Variants in NBEA observed in about 807,000 individuals in gnomAD.
The protein encoded by NBEA is neurobeachin.
Under a neutral mutation model 343.4 loss-of-function variants are expected in NBEA, and 44 were observed. The observed-to-expected ratio is 0.13, with a 90% CI of 0.10 to 0.16. The LOEUF is 0.16. Ranked by LOEUF, NBEA falls within the 10% of genes least tolerant of loss-of-function variation. NBEA has a pLI of 1.00. For synonymous variants in NBEA, 1,175 were observed against 1,238.7 expected, an observed-to-expected ratio of 0.95 and a Z score of 1.08; for missense variants, 2,555 against 3,631.3, an observed-to-expected ratio of 0.70 and a Z score of 7.62.
chr13:35,239,966 C>T (rs1418503107), intron 34 of NBEA, among the ~76,000 whole-genome samples: 1 of 151,644 alleles, frequency 6.6e-6, no homozygotes, highest in African/African-American at 2.4e-5. Context: ...TAAAGAAATT[C>T]CTGTTGTCCC....
intron 41 of NBEA, among the ~76,000 whole-genome samples, chr13:35,519,080 C>T (rs9600891): frequency 0.75 from 114,395 of 152,124 alleles, 44,156 homozygotes; most frequent in South Asian, 0.84. Context: ...CAAGCAATCT[C>T]TCAGACTGCC....
chr13:35,413,364 G>T (rs866526741), intron 38 of NBEA, among the ~76,000 whole-genome samples: 1 of 152,052 alleles, frequency 6.6e-6, no homozygotes, highest in Non-Finnish European at 1.5e-5. Flanking sequence ...TTTTTTGTGT[G>T]TATTTAGTAA....
rs528667550 is a variant in NBEA, at chr13:35,071,610, T to C, written c.1571+758T>C. On this transcript the variant is annotated intron_variant, in intron 10 of 58. Coordinates refer to ENST00000379939, the MANE Select transcript of NBEA (RefSeq NM_001385012.1). ...ATGGGCAAGTTATATAGATAAGCATTAATTTTTATTCCAAAAGTAACATAG... is the reference window on the plus strand; with the variant it reads ...ATGGGCAAGTTATATAGATAAGCATCAATTTTTATTCCAAAAGTAACATAG... 2.0e-4 allele frequency among the ~76,000 whole-genome samples: 30 copies of C among 152,122 alleles called. 1 individual carries two copies. In the South Asian group the frequency reaches 5.6e-3, roughly 28 times the overall value.
intron 6 of NBEA, among the ~76,000 whole-genome samples, chr13:35,054,312 G>C (rs1362159782): frequency 1.3e-5 from 2 of 151,952 alleles, no homozygotes; most frequent in Non-Finnish European, 2.9e-5. Context: ...AATTCTATAA[G>C]ATTTTCCTTA....
At chr13:35,103,810 T>C (rs2065775593) in intron 11 of NBEA, among the ~76,000 whole-genome samples, 1 of 151,876 alleles carries the variant, frequency 6.6e-6, no homozygotes, top group African/African-American at 2.4e-5. Context: ...GAAATTATGT[T>C]GTCTTACTGT....
At chr13:35,475,736 G>A in intron 41 of NBEA, 2 of 1,613,920 alleles carry the variant, frequency 1.2e-6, no homozygotes, top group Non-Finnish European at 1.7e-6. Flanking sequence ...TGAGCCACCA[G>A]CGTCTGAAAC....
intron 56 of NBEA, among the ~76,000 whole-genome samples, chr13:35,665,616 G>T (rs1425637008): frequency 1.3e-5 from 2 of 151,952 alleles, no homozygotes; most frequent in African/African-American, 4.8e-5. Context: ...AAGATTACTT[G>T]GTTCTTTGGA....
intron 24 of NBEA, among the ~76,000 whole-genome samples, chr13:35,167,853 C>G (rs552208570): frequency 4.0e-5 from 6 of 151,876 alleles, no homozygotes; most frequent in Non-Finnish European, 5.9e-5. Context: ...ACAAATTGCA[C>G]ACTTTGTGAT....
chr13:35,444,754 CA>C (rs1339095768), intron 39 of NBEA, among the ~76,000 whole-genome samples: 11 of 151,948 alleles, frequency 7.2e-5, no homozygotes, highest in Non-Finnish European at 1.5e-4. Flanking sequence ...TCTTTTCCTT[CA>C]AATATCCAAG....
chr13:35,389,370 C>T (rs1234545397), intron 38 of NBEA, among the ~76,000 whole-genome samples: 3 of 152,018 alleles, frequency 2.0e-5, no homozygotes, highest in East Asian at 3.9e-4. Context: ...CTAAAATAAC[C>T]GTTGCTTTTT....
intron 38 of NBEA, among the ~76,000 whole-genome samples, chr13:35,383,994 A>G (rs927483837): frequency 1.3e-5 from 2 of 152,100 alleles, no homozygotes; most frequent in South Asian, 2.1e-4. Flanking sequence ...AAGAGAGTCA[A>G]TCTGGAAAGA....
At chr13:35,387,069 C>G (rs1748606101) in intron 38 of NBEA, among the ~76,000 whole-genome samples, 1 of 152,104 alleles carries the variant, frequency 6.6e-6, no homozygotes, top group African/African-American at 2.4e-5. Context: ...TAAGACTAAG[C>G]TCTATCTTAT....
chr13:35,108,776 G>A (rs547542654), intron 11 of NBEA, among the ~76,000 whole-genome samples: 1 of 152,152 alleles, frequency 6.6e-6, no homozygotes, highest in Admixed American at 6.6e-5. Flanking sequence ...AATTCTTGAA[G>A]CGAGTGTTCA....
At chr13:35,452,479 A>G (rs1024414579) in intron 40 of NBEA, among the ~76,000 whole-genome samples, 30 of 152,224 alleles carry the variant, frequency 2.0e-4, no homozygotes, top group African/African-American at 7.0e-4. Flanking sequence ...TTTTTTATAT[A>G]GAAGGAATAA....
intron 41 of NBEA, among the ~76,000 whole-genome samples, chr13:35,541,345 C>T (rs1261159865): frequency 6.6e-6 from 1 of 151,950 alleles, no homozygotes; most frequent in Non-Finnish European, 1.5e-5. Flanking sequence ...GACTCTGCTT[C>T]TCCTGTTCAC....
chr13:35,402,320 A>G (rs572941515), intron 38 of NBEA, among the ~76,000 whole-genome samples: 1 of 152,070 alleles, frequency 6.6e-6, no homozygotes, highest in South Asian at 2.1e-4. Flanking sequence ...TTAAATAAGT[A>G]CAAAATCATT....
At position 35,393,410 on chromosome 13, in the gene NBEA, TA is replaced by T. The variant is rs375826863; in HGVS notation, c.6180-38857del. Among the ~76,000 whole-genome samples the T allele has an allele frequency of 2.4e-3, 364 of 152,258 alleles. 3 individuals carry two copies. The highest frequency in any genetic ancestry group is 0.017 in the Middle Eastern group (5 of 292). On this transcript the variant is annotated intron_variant, in intron 38 of 58. Transcript: ENST00000379939. Reference sequence around the variant, plus strand: ...ATGGCATAGAATAAATAGAAAATGATAACTTAGCTTTCATTGCCAAACATTT... The same window carrying T: ...ATGGCATAGAATAAATAGAAAATGATACTTAGCTTTCATTGCCAAACATTT...
intron 34 of NBEA, among the ~76,000 whole-genome samples, chr13:35,265,937 A>G (rs996551983): frequency 1.3e-5 from 2 of 151,928 alleles, no homozygotes; most frequent in Admixed American, 1.3e-4. Context: ...AGGAGAAAAT[A>G]TTTGCAAACT....
chr13:35,558,018 C>T lies in NBEA; in HGVS notation c.6922+2916C>T, dbSNP rs540956830. ...TATAGTGTTAGAGTAGAAGGGAATG[C>T]GATGTGGAGTTTTAGAAAAATTAAA... is the stretch of plus-strand genomic sequence containing the variant. On this transcript the variant is annotated intron_variant, in intron 44 of 58. Coordinates refer to ENST00000379939, the MANE Select transcript of NBEA (RefSeq NM_001385012.1). 1.4e-3 allele frequency among the ~76,000 whole-genome samples: 210 copies of T among 152,082 alleles called. 1 individual carries two copies. Among genetic ancestry groups the T allele is most frequent in the African/African-American group, 4.8e-3 (199 of 41,492 alleles).
Sources: allele counts gnomAD v4.1 joint callset (sites outside exome capture counted in the v4.1 genomes callset), GRCh38; gene constraint gnomAD v4.1.1; transcripts MANE v1.5; gene names NCBI Gene and HGNC (gene_info 2026-07-23, HGNC 2026-07-21).